Variants in CNTNAP2 observed in about 807,000 individuals in gnomAD.
The protein encoded by CNTNAP2 is contactin associated protein 2, also known as contactin-associated protein-like 2.
CNTNAP2 carries 98 observed loss-of-function variants against 155.2 expected under a neutral mutation model. The observed-to-expected ratio is 0.63, with a 90% CI of 0.54 to 0.75. The LOEUF is 0.75. Among genes scored for constraint, CNTNAP2 ranks in the 30% least tolerant of loss-of-function variants. The pLI is 0.00. For synonymous variants in CNTNAP2, 651 were observed against 631.2 expected, an observed-to-expected ratio of 1.03 and a Z score of -0.47; for missense variants, 1,727 against 1,688.1, an observed-to-expected ratio of 1.02 and a Z score of -0.40.
chr7:146,843,390 C>T (rs972114102), intron 3 of CNTNAP2, among the ~76,000 whole-genome samples: 2 of 151,950 alleles, frequency 1.3e-5, no homozygotes. Flanking sequence ...AAGTCCACCC[C>T]CGTGATCCAA....
intron 13 of CNTNAP2, among the ~76,000 whole-genome samples, chr7:147,795,879 C>T (rs955809968): frequency 6.6e-6 from 1 of 152,070 alleles, no homozygotes; most frequent in Admixed American, 6.5e-5. Context: ...TCCAGTAATA[C>T]TGTGATCATA....
intron 3 of CNTNAP2, among the ~76,000 whole-genome samples, chr7:146,954,803 A>G (rs758874277): frequency 7.9e-5 from 12 of 151,976 alleles, no homozygotes; most frequent in Non-Finnish European, 1.5e-4. Context: ...AAATTATTTT[A>G]GTATATGATG....
intron 12 of CNTNAP2, among the ~76,000 whole-genome samples, chr7:147,570,730 A>C (rs1290929405): frequency 6.6e-6 from 1 of 152,208 alleles, no homozygotes; most frequent in Non-Finnish European, 1.5e-5. Context: ...CAGAGAACTT[A>C]AGTACTGGGC....
intron 11 of CNTNAP2, among the ~76,000 whole-genome samples, chr7:147,503,637 T>G (rs923394285): frequency 2.6e-5 from 4 of 152,112 alleles, no homozygotes; most frequent in Non-Finnish European, 4.4e-5. Context: ...CTTTTTATTT[T>G]GTGAAATCTT....
chr7:146,449,548 G>C (rs576974894), intron 1 of CNTNAP2, among the ~76,000 whole-genome samples: 6 of 152,136 alleles, frequency 3.9e-5, no homozygotes, highest in African/African-American at 1.2e-4. Flanking sequence ...CAATGACTTG[G>C]GGCTGCAGTT....
chr7:146,806,410 C>T (rs558865551), intron 2 of CNTNAP2, among the ~76,000 whole-genome samples: 335 of 151,900 alleles, frequency 2.2e-3, no homozygotes, highest in African/African-American at 7.7e-3. Flanking sequence ...GCAGGAGAAT[C>T]ACTTGAACCC....
intron 10 of CNTNAP2, among the ~76,000 whole-genome samples, chr7:147,472,051 A>G (rs1010078522): frequency 1.3e-5 from 2 of 152,156 alleles, no homozygotes; most frequent in Admixed American, 6.5e-5. Context: ...TGTTCAGTTG[A>G]CACCTGCCCT....
At chr7:147,514,081 CAT>C (rs1213386650) in intron 11 of CNTNAP2, among the ~76,000 whole-genome samples, 1 of 152,072 alleles carries the variant, frequency 6.6e-6, no homozygotes, top group Admixed American at 6.6e-5. Flanking sequence ...AAAAATAACA[CAT>C]ATTATTAAAA....
Position 147,076,561 on chromosome 7 carries a change from G to A in CNTNAP2, c.551-31586G>A, listed in dbSNP as rs1800005254. On this transcript the variant is annotated intron_variant, in intron 4 of 23. Coordinates refer to ENST00000361727, the MANE Select transcript of CNTNAP2 (RefSeq NM_014141.6). ...TTTGTCAGATGGGTAGTATTTTTAA[G>A]TGAATAAATTTCTAAGTGAAATCAG... is the stretch of plus-strand genomic sequence containing the variant. Among the ~76,000 whole-genome samples, 3 of 152,226 alleles carry A rather than the reference G, an allele frequency of 2.0e-5. No individual in the cohort carries two copies. The South Asian group carries it at 6.2e-4, about 32-fold the overall frequency.
intron 1 of CNTNAP2, among the ~76,000 whole-genome samples, chr7:146,450,381 G>C (rs1484154733): frequency 6.6e-6 from 1 of 152,168 alleles, no homozygotes; most frequent in Admixed American, 6.5e-5. Context: ...TCAGGGCCAA[G>C]CTGGTTAGTT....
intron 3 of CNTNAP2, among the ~76,000 whole-genome samples, chr7:146,853,190 AG>A (rs1794913928): frequency 6.6e-6 from 1 of 152,212 alleles, no homozygotes; most frequent in South Asian, 2.1e-4. Flanking sequence ...TTAAATAAAA[AG>A]GTATGATTAC....
chr7:146,684,183 A>G (rs1563187451), intron 1 of CNTNAP2, among the ~76,000 whole-genome samples: 1 of 152,192 alleles, frequency 6.6e-6, no homozygotes, highest in Non-Finnish European at 1.5e-5. Context: ...CTGTTGCCCC[A>G]TGATTTTGAT....
chr7:147,029,604 C>A (rs1934638421), intron 3 of CNTNAP2, among the ~76,000 whole-genome samples: 1 of 151,100 alleles, frequency 6.6e-6, no homozygotes, highest in Non-Finnish European at 1.5e-5. Flanking sequence ...GAAAAAATGG[C>A]TTCTGTAGAC....
chr7:147,493,155 T>A (rs1307939056), intron 11 of CNTNAP2, among the ~76,000 whole-genome samples: 1 of 152,226 alleles, frequency 6.6e-6, no homozygotes, highest in Non-Finnish European at 1.5e-5. Flanking sequence ...CATATTTTCA[T>A]ATCAGTGATT....
At chr7:147,774,544 G>T (rs1797528227) in intron 13 of CNTNAP2, among the ~76,000 whole-genome samples, 1 of 152,154 alleles carries the variant, frequency 6.6e-6, no homozygotes, top group African/African-American at 2.4e-5. Flanking sequence ...AGGCCTTTAT[G>T]GAGGTAATTA....
At chr7:148,194,264 T>G (rs1795240986) in intron 18 of CNTNAP2, among the ~76,000 whole-genome samples, 1 of 151,836 alleles carries the variant, frequency 6.6e-6, no homozygotes, top group African/African-American at 2.4e-5. Context: ...CCCAAAGTGT[T>G]GAGATTACAG....
In CNTNAP2 at chr7:146,610,672, T is replaced by A. The variant is rs1799122069; in HGVS notation, c.98-163599T>A. Among the ~76,000 whole-genome samples, 4 of 152,218 alleles carry A rather than the reference T, an allele frequency of 2.6e-5. No homozygotes were observed. The South Asian group carries it at 8.3e-4, about 32-fold the overall frequency. On this transcript the variant is annotated intron_variant, in intron 1 of 23. Transcript: ENST00000361727. ...CTCCTCCTCTAATAATCTTGATTTATATCTATGCAAATCTAGACTTCTAAT... is the reference window on the plus strand; with the variant it reads ...CTCCTCCTCTAATAATCTTGATTTAAATCTATGCAAATCTAGACTTCTAAT...
intron 15 of CNTNAP2, among the ~76,000 whole-genome samples, chr7:148,038,248 G>A (rs142387248): frequency 1.1e-3 from 175 of 152,224 alleles, no homozygotes; most frequent in African/African-American, 3.9e-3. Context: ...CCCATCAACT[G>A]TATTGTTTCA....
chr7:146,720,942 T>A (rs1219801726), intron 1 of CNTNAP2, among the ~76,000 whole-genome samples: 1 of 135,834 alleles, frequency 7.4e-6, no homozygotes, highest in East Asian at 2.2e-4. Context: ...ATATACTTTC[T>A]CTATATATTC....
Sources: gnomAD v4.1 joint callset for allele counts (sites outside exome capture counted in the v4.1 genomes callset) on GRCh38, gnomAD v4.1.1 for gene constraint, MANE v1.5 for transcripts, NCBI Gene and HGNC (gene_info 2026-07-23, HGNC 2026-07-21) for gene names.